The following PDK3 variants were observed in gnomAD, a reference collection of about 807,000 sequenced individuals.
PDK3 encodes the protein pyruvate dehydrogenase kinase, isozyme 3.
PDK3 carries 12 observed loss-of-function variants against 32.0 expected under a neutral mutation model. The ratio of observed to expected loss-of-function variants is 0.37; its 90% CI spans 0.24 to 0.61. PDK3 has a LOEUF of 0.61. Ranked by LOEUF, PDK3 falls within the 20% of genes least tolerant of loss-of-function variation. The pLI, the probability that PDK3 is intolerant of heterozygous loss-of-function variation, is 0.65. For missense variants in PDK3, 188 were observed against 316.9 expected (o/e 0.59, Z 3.09); for synonymous variants, 122 against 116.3 (o/e 1.05, Z -0.31).
At chrX:24,467,550 GT>G (rs774336030) in intron 1 of PDK3, among the ~76,000 whole-genome samples, 1 of 112,375 alleles carries the variant, frequency 8.9e-6, no homozygotes, top group Non-Finnish European at 1.9e-5. Flanking sequence ...GACAAGGCTA[GT>G]TTGTAACACC....
chrX:24,508,214 C>T (rs922319478), intron 5 of PDK3, among the ~76,000 whole-genome samples: 1 of 110,375 alleles, frequency 9.1e-6, no homozygotes, highest in Non-Finnish European at 1.9e-5. Flanking sequence ...AGAGAGACAG[C>T]GAAGGGGAAT....
chrX:24,466,168 T>G (rs1354199106), intron 1 of PDK3, among the ~76,000 whole-genome samples: 2 of 110,552 alleles, frequency 1.8e-5, no homozygotes, highest in African/African-American at 3.3e-5. Context: ...CAACTCTGGC[T>G]TTAGTGCCAG....
At chrX:24,534,686 C>T (rs371065074), downstream of PDK3, among the ~76,000 whole-genome samples, 23 of 112,809 alleles carry the variant, frequency 2.0e-4, no homozygotes, top group Non-Finnish European at 3.9e-4. Context: ...TGGTGGCTCA[C>T]GCCTGTAATC....
rs898467343 is a variant in PDK3, at chrX:24,507,893, A to G, written c.595+2595A>G. On this transcript the variant is annotated intron_variant, in intron 5 of 10. Coordinates refer to ENST00000379162, the MANE Select transcript of PDK3 (RefSeq NM_005391.5). ...GATGTGAGATTTGCTTCAAAATTATACACAGGGAGGGGAGTGAAAAGGACT... is the reference window on the plus strand; with the variant it reads ...GATGTGAGATTTGCTTCAAAATTATGCACAGGGAGGGGAGTGAAAAGGACT... Among the ~76,000 whole-genome samples the G allele has an allele frequency of 2.7e-5, 3 of 111,603 alleles. No homozygotes were observed. The Admixed American group carries it at 2.9e-4, about 11-fold the overall frequency.
At chrX:24,523,481 C>T (rs1247574835) in intron 6 of PDK3, among the ~76,000 whole-genome samples, 4 of 111,963 alleles carry the variant, frequency 3.6e-5, no homozygotes, top group East Asian at 2.8e-4. Flanking sequence ...ACTGGTTTGC[C>T]GAAGATTGTC....
At chrX:24,537,994 C>T (rs181955071), downstream of PDK3, among the ~76,000 whole-genome samples, 8 of 112,200 alleles carry the variant, frequency 7.1e-5, no homozygotes, top group Non-Finnish European at 1.9e-5. Context: ...CATTTTCAGT[C>T]TGTATGTAAG....
intron 1 of PDK3, among the ~76,000 whole-genome samples, chrX:24,487,052 T>A (rs556014435): frequency 8.0e-4 from 90 of 112,428 alleles, no homozygotes; most frequent in Middle Eastern, 9.3e-3. Flanking sequence ...AAAGGAAAAC[T>A]CTTAAGCTCT....
rs780543669 is a variant in PDK3, at chrX:24,490,375, A to G, written c.107-4367A>G. 9.0e-5 allele frequency among the ~76,000 whole-genome samples: 10 copies of G among 111,510 alleles called. No homozygotes were observed. In the South Asian group the frequency reaches 3.8e-3, roughly 42 times the overall value. ...ACAATGAAGTTTAGAAGTGTAAAGA[A>G]ACTTACCCCTGCTCATGAAGCTTGT... On this transcript the variant is annotated intron_variant, in intron 1 of 10. Transcript: ENST00000379162.
At chrX:24,545,777 CTG>C (rs1393842458) in exon 12 of PDK3, 1 of 111,775 alleles carries the variant, frequency 8.9e-6, no homozygotes, top group Non-Finnish European at 1.9e-5. Context: ...GTGCTAGAAA[CTG>C]TGCTGAATGC....
intron 4 of PDK3, 24 bp downstream of exon 4, chrX:24,503,535 G>A (rs780016558): frequency 1.4e-5 from 15 of 1,050,991 alleles, no homozygotes; most frequent in East Asian, 3.4e-5. Flanking sequence ...TGTTGGTCCA[G>A]TTTTGAAAAG....
chrX:24,519,366 CTT>C (rs1201625079), intron 6 of PDK3, among the ~76,000 whole-genome samples: 17 of 86,671 alleles, frequency 2.0e-4, no homozygotes, highest in East Asian at 6.6e-4. Flanking sequence ...AGACAAATGC[CTT>C]TTTTTTTTTT....
intron 1 of PDK3, among the ~76,000 whole-genome samples, chrX:24,469,851 T>C (rs1235791307): frequency 8.9e-6 from 1 of 112,061 alleles, no homozygotes; most frequent in African/African-American, 3.2e-5. Flanking sequence ...GGGATACATA[T>C]AGTTAAAAGG....
chrX:24,533,899 C>T lies in PDK3; in HGVS notation c.1078-30C>T, dbSNP rs749803705. On this transcript the variant is annotated intron_variant, in intron 10 of 10. Coordinates refer to ENST00000379162, the MANE Select transcript of PDK3 (RefSeq NM_005391.5). ...ACTTGAGAAAAATGACACTGTCGAC[C>T]TTTGGTGTATATTTTTGTTTCTCCA... 10 of 1,163,116 alleles carry T rather than the reference C, an allele frequency of 8.6e-6. No individual in the cohort carries two copies. In the African/African-American group the frequency reaches 1.3e-4, roughly 15 times the overall value.
chrX:24,523,203 T>G (rs1380300473), intron 6 of PDK3, among the ~76,000 whole-genome samples: 1 of 111,628 alleles, frequency 9.0e-6, no homozygotes, highest in Non-Finnish European at 1.9e-5. Flanking sequence ...GCGAGGGAGC[T>G]CTCTGGAGTT....
At chrX:24,506,955 C>T (rs1293492296) in intron 5 of PDK3, among the ~76,000 whole-genome samples, 1 of 108,914 alleles carries the variant, frequency 9.2e-6, no homozygotes, top group Non-Finnish European at 1.9e-5. Context: ...GGACTACAGG[C>T]GCATGCCACC....
intron 6 of PDK3, among the ~76,000 whole-genome samples, chrX:24,525,200 G>A (rs766436856): frequency 1.5e-4 from 17 of 111,529 alleles, no homozygotes; most frequent in Non-Finnish European, 2.8e-4. Flanking sequence ...TCTTTGAAGA[G>A]TTCGGGATTT....
exon 12 of PDK3, among the ~76,000 whole-genome samples, chrX:24,545,125 T>A (rs1362196711): frequency 8.9e-6 from 1 of 111,896 alleles, no homozygotes; most frequent in East Asian, 2.8e-4. Context: ...GATAGAATAC[T>A]CCAAACTAGC....
exon 12 of PDK3, chrX:24,547,828 A>T (rs1272211066): frequency 8.8e-6 from 1 of 113,124 alleles, no homozygotes; most frequent in African/African-American, 3.2e-5. Flanking sequence ...TAAGAGAAGT[A>T]TCAGGAGAGA....
At chrX:24,537,694 A>G (rs1044290607), downstream of PDK3, among the ~76,000 whole-genome samples, 1 of 111,887 alleles carries the variant, frequency 8.9e-6, no homozygotes, top group Non-Finnish European at 1.9e-5. Flanking sequence ...CAACAGAAAG[A>G]TATTTGTACA....
Sources: allele counts gnomAD v4.1 joint callset (sites outside exome capture counted in the v4.1 genomes callset), GRCh38; gene constraint gnomAD v4.1.1; transcripts MANE v1.5; gene names NCBI Gene and HGNC (gene_info 2026-07-23, HGNC 2026-07-21).